The following TMTC3 variants were observed in gnomAD, a reference collection of about 807,000 sequenced individuals.
TMTC3 encodes protein O-mannosyl-transferase TMTC3.
TMTC3 carries 52 observed loss-of-function variants against 92.2 expected under a neutral mutation model. The ratio of observed to expected loss-of-function variants is 0.56; its 90% confidence interval spans 0.45 to 0.71. TMTC3 has a LOEUF of 0.71. Ranked by LOEUF, TMTC3 falls within the 30% of genes least tolerant of loss-of-function variation. TMTC3 has a pLI of 0.00. For missense variants in TMTC3, 896 were observed against 1,057.1 expected (o/e 0.85, Z 2.11); for synonymous variants, 339 against 363.3 (o/e 0.93, Z 0.76).
intron 10 of TMTC3, among the ~76,000 whole-genome samples, chr12:88,177,327 CA>C (rs570333691): frequency 0.079 from 10,480 of 132,300 alleles, 1,194 homozygotes; most frequent in African/African-American, 0.26. Flanking sequence ...TACTCTGTCT[CA>C]AAAAAAAAAA....
chr12:88,156,617 C>T (rs1035533665), intron 4 of TMTC3, among the ~76,000 whole-genome samples: 4 of 152,080 alleles, frequency 2.6e-5, no homozygotes, highest in East Asian at 3.9e-4. Flanking sequence ...ACCCACTAGC[C>T]ATTGTAGCTG....
At chr12:88,159,727 A>G (rs1364506538) in intron 4 of TMTC3, among the ~76,000 whole-genome samples, 1 of 151,846 alleles carries the variant, frequency 6.6e-6, no homozygotes, top group Non-Finnish European at 1.5e-5. Context: ...GTTTTTAATA[A>G]TTTATCAGTT....
intron 4 of TMTC3, among the ~76,000 whole-genome samples, chr12:88,157,409 T>G (rs1022857795): frequency 2.6e-5 from 4 of 151,920 alleles, no homozygotes; most frequent in Middle Eastern, 3.2e-3. Flanking sequence ...CCCATACCCC[T>G]TTTGTAAATA....
At chr12:88,179,764 C>T (rs12831250) in intron 10 of TMTC3, among the ~76,000 whole-genome samples, 71,321 of 151,832 alleles carry the variant, frequency 0.47, 19,291 homozygotes, top group African/African-American at 0.76. Context: ...GATTTAATGA[C>T]ACAGGCTTGG....
intron 1 of TMTC3, among the ~76,000 whole-genome samples, chr12:88,145,068 T>C (rs2040856015): frequency 6.6e-6 from 1 of 152,168 alleles, no homozygotes; most frequent in African/African-American, 2.4e-5. Context: ...TTATTATTGC[T>C]TACCTTTGTT....
Position 88,172,596 on chromosome 12 carries a change from G to A in TMTC3, c.1051-1G>A. 1 of 1,351,176 alleles carries A rather than the reference G, an allele frequency of 7.4e-7. No individual in the cohort carries two copies. Among genetic ancestry groups the A allele is most frequent in the Non-Finnish European group, 9.6e-7 (1 of 1,045,132 alleles). The allele number at this position is 1,351,176 out of a possible 1,614,324, so 83.7% of individuals were successfully genotyped here. On this transcript the variant is annotated splice_acceptor_variant, in intron 7 of 13. Coordinates refer to ENST00000266712, the MANE Select transcript of TMTC3 (RefSeq NM_181783.4). LOFTEE classifies it high-confidence loss of function. ...ATTAAATCTTCTTTTTTTTTTTGTAGGCGCTTTGTTTAATGGCATTACCAT... is the reference window on the plus strand; with the variant it reads ...ATTAAATCTTCTTTTTTTTTTTGTAAGCGCTTTGTTTAATGGCATTACCAT...
intron 7 of TMTC3, among the ~76,000 whole-genome samples, chr12:88,169,752 A>G (rs1361719736): frequency 6.6e-6 from 1 of 152,086 alleles, no homozygotes; most frequent in East Asian, 1.9e-4. Flanking sequence ...AAACCTGGGC[A>G]AGACAGTGAG....
chr12:88,173,846 A>T (rs2041230662), intron 8 of TMTC3, among the ~76,000 whole-genome samples: 1 of 152,140 alleles, frequency 6.6e-6, no homozygotes, highest in African/African-American at 2.4e-5. Flanking sequence ...CATATAGGTT[A>T]TCCAAGATCA....
chr12:88,148,453 A>G lies in TMTC3; in HGVS notation c.138A>G (p.Thr46=), dbSNP rs767211574. The G allele has an allele frequency of 6.2e-7, 1 of 1,612,604 alleles. No individual in the cohort carries two copies. Among genetic ancestry groups the G allele is most frequent in the East Asian group, 2.2e-5 (1 of 44,792 alleles). ...ATAACAAAGACTTGCATCCATCTAC[A>G]CCTTTAAAAACTTTATTTCAAAATG... The part of the protein sequence containing the change: ...ILDNKDLHPS[T]PLKTLFQNDF... Residue 46 remains threonine, a synonymous_variant, in exon 2 of 14, where the codon ACA becomes ACG. Transcript: ENST00000266712.
intron 10 of TMTC3, among the ~76,000 whole-genome samples, chr12:88,180,851 C>T (rs2041310337): frequency 6.6e-6 from 1 of 152,078 alleles, no homozygotes; most frequent in East Asian, 1.9e-4. Context: ...TCCATAAAAC[C>T]ACAGGTTTTA....
At chr12:88,185,032 C>T (rs964367636) in intron 10 of TMTC3, among the ~76,000 whole-genome samples, 5 of 152,034 alleles carry the variant, frequency 3.3e-5, no homozygotes, top group Non-Finnish European at 5.9e-5. Flanking sequence ...TGCAGTAACC[C>T]AAAGACATGA....
chr12:88,159,613 C>T (rs532527577), intron 4 of TMTC3, among the ~76,000 whole-genome samples: 1 of 151,530 alleles, frequency 6.6e-6, no homozygotes, highest in South Asian at 2.1e-4. Flanking sequence ...GAGCTATGTT[C>T]ACACCACTGT....
intron 1 of TMTC3, among the ~76,000 whole-genome samples, chr12:88,142,913 G>A (rs2040772228): frequency 6.6e-6 from 1 of 152,082 alleles, no homozygotes; most frequent in African/African-American, 2.4e-5. Context: ...CCACTGCCGG[G>A]GGTGGAGAGA....
At chr12:88,158,336 C>T (rs1267059353) in intron 4 of TMTC3, among the ~76,000 whole-genome samples, 1 of 152,132 alleles carries the variant, frequency 6.6e-6, no homozygotes, top group African/African-American at 2.4e-5. Context: ...TCCATGGCTT[C>T]TATATCCTTC....
chr12:88,176,386 A>G, intron 10 of TMTC3, 67 bp downstream of exon 10: 1 of 1,183,718 alleles, frequency 8.4e-7, no homozygotes, highest in Non-Finnish European at 1.2e-6. Flanking sequence ...TCCTTGGGGG[A>G]AATAAGGTAG....
intron 10 of TMTC3, among the ~76,000 whole-genome samples, chr12:88,185,053 A>AT (rs1182874302): frequency 1.3e-5 from 2 of 152,160 alleles, no homozygotes; most frequent in Non-Finnish European, 2.9e-5. Flanking sequence ...TTGAGTTGTA[A>AT]TTTTTTAATA....
intron 1 of TMTC3, among the ~76,000 whole-genome samples, chr12:88,148,004 A>T (rs1182593026): frequency 6.6e-6 from 1 of 152,104 alleles, no homozygotes; most frequent in Non-Finnish European, 1.5e-5. Flanking sequence ...TAAATAATCC[A>T]CAGAGGAAAC....
chr12:88,180,588 T>C (rs2041306832), intron 10 of TMTC3, among the ~76,000 whole-genome samples: 1 of 152,226 alleles, frequency 6.6e-6, no homozygotes, highest in South Asian at 2.1e-4. Context: ...TCCTGAGTTA[T>C]CTTCTTCAGC....
intron 6 of TMTC3, 28 bp from the exon 7 acceptor site, chr12:88,166,302 G>A (rs774379456): frequency 1.9e-6 from 3 of 1,580,870 alleles, no homozygotes; most frequent in East Asian, 4.5e-5. Context: ...AGTTTTATTT[G>A]TAATCTTTTT....
Sources: gnomAD v4.1 joint callset for allele counts (sites outside exome capture counted in the v4.1 genomes callset) on GRCh38, gnomAD v4.1.1 for gene constraint, MANE v1.5 for transcripts, NCBI Gene and HGNC (gene_info 2026-07-23, HGNC 2026-07-21) for gene names.